Variants in SPATA6L observed in about 807,000 individuals in gnomAD.
SPATA6L encodes the protein spermatogenesis associated 6 like.
A neutral mutation model predicts 49.2 loss-of-function variants in SPATA6L; 68 were observed. That is an observed-to-expected ratio of 1.38 (90% CI 1.14 to 1.69). The LOEUF (loss-of-function observed/expected upper bound fraction) is 1.69. Ranked by LOEUF, SPATA6L falls within the 40% of genes most tolerant of loss-of-function variation. The probability of loss-of-function intolerance (pLI) is 0.00; values close to 1 mark genes in which losing one functional copy is unlikely to be tolerated. For synonymous variants in SPATA6L, 198 were observed against 165.7 expected (o/e 1.19, Z -1.50); for missense variants, 668 against 464.3 (o/e 1.44, Z -4.03).
rs985350622 is a variant in SPATA6L, at chr9:4,645,169, T to C, written c.227-9770A>G. 2.6e-5 allele frequency among the ~76,000 whole-genome samples: 4 copies of C among 152,206 alleles called. No individual in the cohort carries two copies. The South Asian group carries it at 6.2e-4, about 24-fold the overall frequency. The stretch of plus-strand genomic sequence containing the variant: ...AAAAATGTAAAAACCAAAAATAGTT[T>C]GGCAGTTCCTCACAAAGTTAAACAG... On this transcript the variant is annotated intron_variant, in intron 3 of 11. Transcript: ENST00000682582.
chr9:4,605,945 T>C (rs984522930), intron 9 of SPATA6L, among the ~76,000 whole-genome samples: 6 of 152,194 alleles, frequency 3.9e-5, no homozygotes, highest in South Asian at 4.1e-4. Context: ...CGCAGGCCAG[T>C]GTGTGCGCGC....
chr9:4,591,310 G>T (rs1190113460), intron 13 of SPATA6L, among the ~76,000 whole-genome samples: 1 of 152,102 alleles, frequency 6.6e-6, no homozygotes, highest in Non-Finnish European at 1.5e-5. Context: ...TGTTTCCAAG[G>T]TTATTAGCTT....
intron 3 of SPATA6L, among the ~76,000 whole-genome samples, chr9:4,639,772 T>C (rs1448460024): frequency 6.6e-6 from 1 of 152,280 alleles, no homozygotes. Context: ...TTAAGAGAAA[T>C]AACAATTTTA....
chr9:4,606,842 C>T (rs913911770), intron 9 of SPATA6L, among the ~76,000 whole-genome samples: 3 of 147,526 alleles, frequency 2.0e-5, no homozygotes, highest in African/African-American at 5.2e-5. Flanking sequence ...GATCAAATTA[C>T]TCTGAGCTAC....
At chr9:4,634,710 C>T (rs899082673) in intron 4 of SPATA6L, among the ~76,000 whole-genome samples, 2 of 152,106 alleles carry the variant, frequency 1.3e-5, no homozygotes, top group East Asian at 1.9e-4. Context: ...GAATAGAAAT[C>T]GTCAAAGACA....
At chr9:4,591,169 G>A (rs996761594) in intron 13 of SPATA6L, among the ~76,000 whole-genome samples, 11 of 152,168 alleles carry the variant, frequency 7.2e-5, no homozygotes, top group Non-Finnish European at 1.6e-4. Context: ...AGTCGCTGGA[G>A]AAAAGGTACT....
chr9:4,614,761 G>A (rs186047558), intron 9 of SPATA6L, among the ~76,000 whole-genome samples: 14 of 152,276 alleles, frequency 9.2e-5, no homozygotes, highest in African/African-American at 2.6e-4. Context: ...ATTATTTGCC[G>A]CTGATAATCA....
At chr9:4,658,423 T>C (rs535111459) in intron 2 of SPATA6L, among the ~76,000 whole-genome samples, 17 of 152,294 alleles carry the variant, frequency 1.1e-4, no homozygotes, top group African/African-American at 4.1e-4. Flanking sequence ...AGGAAACAGA[T>C]ACAAGGAAGC....
chr9:4,652,179 C>A (rs301485), intron 3 of SPATA6L, among the ~76,000 whole-genome samples: 16 of 151,968 alleles, frequency 1.1e-4, no homozygotes, highest in Non-Finnish European at 2.1e-4. Context: ...CCAGCACTTT[C>A]GGAGGCCAAG....
chr9:4,663,330 C>G (rs559913373), intron 1 of SPATA6L: 1 of 1,503,100 alleles, frequency 6.7e-7, no homozygotes, highest in South Asian at 1.2e-5. Flanking sequence ...TCAACCTAAA[C>G]CAGCAGCCAT....
At chr9:4,595,132 C>T (rs1327231758), downstream of SPATA6L, among the ~76,000 whole-genome samples, 1 of 152,128 alleles carries the variant, frequency 6.6e-6, no homozygotes, top group Non-Finnish European at 1.5e-5. Flanking sequence ...GGCAATTATT[C>T]TCTCCATCAA....
At chr9:4,627,132 C>T (rs952938535) in intron 5 of SPATA6L, 2 of 151,714 alleles carry the variant, frequency 1.3e-5, no homozygotes, top group Non-Finnish European at 2.9e-5. Context: ...GAGGCTGAAG[C>T]AGAGGATCTC....
At chr9:4,661,353 A>G (rs1303787708) in intron 2 of SPATA6L, among the ~76,000 whole-genome samples, 15 of 152,184 alleles carry the variant, frequency 9.9e-5, no homozygotes, top group Non-Finnish European at 1.6e-4. Context: ...AAGGCTGGTA[A>G]TGTTTTGACT....
rs1009737637 is a variant in SPATA6L at position 4,637,183 on chromosome 9, T to C, written c.227-1784A>G. ...GTTCCCTGTCATCCCTTACCCTTCT[T>C]GCTGTCCCTCAAACACGCCAAGCTC... On this transcript the variant is annotated intron_variant, in intron 3 of 11. Transcript: ENST00000682582. Among the ~76,000 whole-genome samples, 8 of 152,300 alleles carry C rather than the reference T, an allele frequency of 5.3e-5. 1 individual carries two copies. Among genetic ancestry groups the C allele is most frequent in the Admixed American group, 3.9e-4 (6 of 15,296 alleles).
intron 3 of SPATA6L, among the ~76,000 whole-genome samples, chr9:4,654,516 T>A (rs1320037407): frequency 6.6e-6 from 1 of 152,182 alleles, no homozygotes; most frequent in Non-Finnish European, 1.5e-5. Context: ...CCCTCTACCA[T>A]GTCGCAAGGA....
chr9:4,662,450 C>T lies in SPATA6L; in HGVS notation c.40-414G>A, dbSNP rs1308345228. The stretch of plus-strand genomic sequence containing the variant: ...CTTCGAGCAGCAGCAGCAGCCCCGG[C>T]AGCCCAGCCCATGGCGGCGGTGGCG... On this transcript the variant is annotated intron_variant, in intron 1 of 11. Transcript: ENST00000682582. The surrounding 1 kb of genome is among the most constrained non-coding windows in gnomAD (Gnocchi z 4.9). 1.3e-6 allele frequency: 2 copies of T among 1,544,888 alleles called. No homozygotes were observed. Among genetic ancestry groups the T allele is most frequent in the East Asian group, 2.4e-5 (1 of 41,614 alleles).
At position 4,666,438 on chromosome 9, in the gene SPATA6L, C is replaced by G; in HGVS notation, c.-188G>C. The G allele has an allele frequency of 3.2e-6, 2 of 632,526 alleles. No homozygotes were observed. Among genetic ancestry groups the G allele is most frequent in the South Asian group, 1.8e-5 (1 of 54,162 alleles). 39.2% of individuals were successfully genotyped at this position (632,526 alleles called of 1,614,324 possible). ...CCCACCGGGACGGGTCTCTCACACT[C>G]GAAGCTGGAGTGCAGGCTTCCAGAA... On this transcript the variant is annotated 5_prime_UTR_variant, in exon 1 of 12. Coordinates refer to ENST00000682582, the MANE Select transcript of SPATA6L (RefSeq NM_001353486.2).
At chr9:4,644,685 TCACA>T (rs59433051) in intron 3 of SPATA6L, among the ~76,000 whole-genome samples, 2,086 of 107,634 alleles carry the variant, frequency 0.019, 25 homozygotes, top group East Asian at 0.062. Flanking sequence ...TCTCTCTCTC[TCACA>T]CACACACACA....
Position 4,599,395 on chromosome 9 carries a change from C to T in SPATA6L, c.*1416G>A, listed in dbSNP as rs1245376173. 6.6e-6 allele frequency among the ~76,000 whole-genome samples: 1 copy of T among 152,064 alleles called. No individual in the cohort carries two copies. The highest frequency in any genetic ancestry group is 2.4e-5 in the African/African-American group (1 of 41,394). ...CCTTTTCTGTTTTAATTTTTAATTT[C>T]ATTTTCTTAATTTACCTAATGAACC... is the stretch of plus-strand genomic sequence containing the variant. On this transcript the variant is annotated 3_prime_UTR_variant, in exon 12 of 12. Transcript: ENST00000682582.
Sources: gnomAD v4.1 joint callset for allele counts (sites outside exome capture counted in the v4.1 genomes callset) on GRCh38, gnomAD v4.1.1 for gene constraint, Gnocchi (gnomAD v3.1) non-coding constraint, MANE v1.5 for transcripts, NCBI Gene and HGNC (gene_info 2026-07-23, HGNC 2026-07-21) for gene names.